Variants in GALNT14 observed in about 807,000 individuals in gnomAD.
GALNT14 encodes the protein UDP-GalNAc:polypeptide N-acetylgalactosaminyltransferase 14.
GALNT14 carries 60 observed loss-of-function variants against 77.5 expected under a neutral mutation model. The ratio of observed to expected loss-of-function variants is 0.77; its 90% CI spans 0.63 to 0.96. The LOEUF is 0.96. GALNT14 is among the 40% of genes least tolerant of loss of function. GALNT14 has a pLI of 0.00. For synonymous variants in GALNT14, 280 were observed against 281.7 expected, an observed-to-expected ratio of 0.99 and a Z score of 0.06; for missense variants, 710 against 731.0, an observed-to-expected ratio of 0.97 and a Z score of 0.33.
intron 1 of GALNT14, among the ~76,000 whole-genome samples, chr2:31,094,628 A>C (rs967967366): frequency 6.6e-6 from 1 of 152,198 alleles, no homozygotes. Context: ...ACCACTAGCC[A>C]AGTGTTGCTC....
chr2:30,993,126 A>T, intron 1 of GALNT14, 119 bp from the exon 2 acceptor site: 1 of 1,017,788 alleles, frequency 9.8e-7, no homozygotes, highest in South Asian at 1.6e-5. Flanking sequence ...TGGCTCAAAG[A>T]TGGGGTCAGA....
intron 1 of GALNT14, among the ~76,000 whole-genome samples, chr2:31,012,390 T>G (rs562281934): frequency 4.3e-4 from 66 of 152,290 alleles, no homozygotes; most frequent in African/African-American, 1.6e-3. Context: ...GCACCTATAG[T>G]TACCTGTTTA....
At chr2:30,937,389 G>A (rs762912040) in intron 9 of GALNT14, among the ~76,000 whole-genome samples, 3 of 152,182 alleles carry the variant, frequency 2.0e-5, no homozygotes, top group Non-Finnish European at 4.4e-5. Flanking sequence ...CTCTGCTTAG[G>A]GTCTCAGACT....
chr2:30,946,685 C>G (rs536150913), intron 6 of GALNT14, among the ~76,000 whole-genome samples: 87 of 152,294 alleles, frequency 5.7e-4, no homozygotes, highest in Non-Finnish European at 1.1e-3. Flanking sequence ...TGGACTGATA[C>G]AGCTGGGAAG....
At chr2:31,075,044 G>A (rs890782630) in intron 1 of GALNT14, among the ~76,000 whole-genome samples, 1 of 152,172 alleles carries the variant, frequency 6.6e-6, no homozygotes, top group Non-Finnish European at 1.5e-5. Flanking sequence ...TCCTGGGAGC[G>A]GATCCCTCAC....
chr2:31,137,943 C>T lies in GALNT14; in HGVS notation c.129+15G>A. ...AAGCCACCGCTCAGCGCCAGCGCGC[C>T]GGCAAGCCGCCTACCTTAGGGGTCT... On this transcript the variant is annotated intron_variant, in intron 1 of 14. Transcript: ENST00000349752. 2 of 1,603,940 alleles carry T rather than the reference C, an allele frequency of 1.2e-6. No individual in the cohort carries two copies. The highest frequency in any genetic ancestry group is 1.7e-6 in the Non-Finnish European group (2 of 1,175,144).
At chr2:31,008,322 C>T (rs184207212) in intron 1 of GALNT14, among the ~76,000 whole-genome samples, 2 of 152,162 alleles carry the variant, frequency 1.3e-5, no homozygotes, top group Admixed American at 1.3e-4. Flanking sequence ...GTCTCAAATT[C>T]CTGGCCTCAA....
intron 1 of GALNT14, among the ~76,000 whole-genome samples, chr2:31,120,167 A>T (rs1294175691): frequency 2.7e-5 from 2 of 74,662 alleles, no homozygotes; most frequent in Non-Finnish European, 3.9e-5. Flanking sequence ...AAAAAAAAAA[A>T]AAAAAAAAAA....
At chr2:30,922,763 T>C (rs921046110) in intron 13 of GALNT14, among the ~76,000 whole-genome samples, 3 of 152,258 alleles carry the variant, frequency 2.0e-5, no homozygotes, top group African/African-American at 7.2e-5. Context: ...AGCTTATTTT[T>C]ACATTAGGCC....
chr2:31,040,222 T>G lies in GALNT14; in HGVS notation c.130-47215A>C, dbSNP rs187232854. ...ATAGTAAGAGTAATGTTTTGGGGTT[T>G]TTTTGTTCTTGGGTTTTTTGTTTTA... is the stretch of plus-strand genomic sequence containing the variant. On this transcript the variant is annotated intron_variant, in intron 1 of 14. Transcript: ENST00000349752. 1.7e-3 allele frequency among the ~76,000 whole-genome samples: 255 copies of G among 152,346 alleles called. 4 individuals are homozygous for G. Among genetic ancestry groups the G allele is most frequent in the Middle Eastern group, 3.4e-3 (1 of 294 alleles).
chr2:30,890,806 C>T, the GALNT14 span, among the ~76,000 whole-genome samples: 1 of 152,120 alleles, frequency 6.6e-6, no homozygotes, highest in South Asian at 2.1e-4. Context: ...GACCTGGAGG[C>T]ATCAGGATAC....
chr2:30,904,115 T>C, the GALNT14 span, among the ~76,000 whole-genome samples: 1 of 152,114 alleles, frequency 6.6e-6, no homozygotes, highest in Non-Finnish European at 1.5e-5. Context: ...TGAACCAGGA[T>C]CTCCACAGGG....
intron 1 of GALNT14, among the ~76,000 whole-genome samples, chr2:31,136,453 G>A (rs1679232589): frequency 6.6e-6 from 1 of 152,114 alleles, no homozygotes; most frequent in Non-Finnish European, 1.5e-5. Flanking sequence ...GGAGACCTCA[G>A]GCTCCCATGA....
intron 1 of GALNT14, among the ~76,000 whole-genome samples, chr2:31,093,843 G>A (rs896710982): frequency 2.6e-5 from 4 of 152,204 alleles, no homozygotes; most frequent in African/African-American, 7.2e-5. Context: ...CAGTGGAGCC[G>A]TCAGGCTCTT....
At chr2:31,029,395 A>G (rs752579838) in intron 1 of GALNT14, among the ~76,000 whole-genome samples, 2 of 152,018 alleles carry the variant, frequency 1.3e-5, no homozygotes. Context: ...ATCTTCACAC[A>G]CCTCATCATC....
At chr2:31,071,849 G>C (rs1236818069) in intron 1 of GALNT14, among the ~76,000 whole-genome samples, 3 of 152,170 alleles carry the variant, frequency 2.0e-5, no homozygotes, top group Admixed American at 2.0e-4. Context: ...TTGCTCAGAA[G>C]TCATTAAGAA....
intron 9 of GALNT14, among the ~76,000 whole-genome samples, chr2:30,937,057 C>T (rs900823425): frequency 2.6e-5 from 4 of 152,336 alleles, no homozygotes; most frequent in African/African-American, 9.6e-5. Flanking sequence ...CTTTACTCTC[C>T]ATCTGGGGGA....
At chr2:31,043,866 C>T (rs1341215418) in intron 1 of GALNT14, among the ~76,000 whole-genome samples, 1 of 152,076 alleles carries the variant, frequency 6.6e-6, no homozygotes, top group African/African-American at 2.4e-5. Context: ...TACAGTGGAA[C>T]CATAGATACA....
chr2:31,065,219 C>A (rs1312867484), intron 1 of GALNT14: 3 of 151,976 alleles, frequency 2.0e-5, no homozygotes, highest in African/African-American at 4.8e-5. Flanking sequence ...GTCTCCAGAG[C>A]CCTGAGGGCA....
Sources: allele counts gnomAD v4.1 joint callset (sites outside exome capture counted in the v4.1 genomes callset), GRCh38; gene constraint gnomAD v4.1.1; transcripts MANE v1.5; gene names NCBI Gene and HGNC (gene_info 2026-07-23, HGNC 2026-07-21).